Variants in GPC5 observed in about 807,000 individuals in gnomAD.
The protein encoded by GPC5 is glypican-5.
Under a neutral mutation model 53.9 loss-of-function variants are expected in GPC5, and 47 were observed. The ratio of observed to expected loss-of-function variants is 0.87; its 90% CI spans 0.69 to 1.11. The LOEUF (loss-of-function observed/expected upper bound fraction) is 1.11, where lower values mean the gene tolerates loss of function less well. Among genes scored for constraint, GPC5 ranks in the 50% most tolerant of loss-of-function variants. The pLI, the probability that GPC5 is intolerant of heterozygous loss-of-function variation, is 0.00. For synonymous variants in GPC5, 286 were observed against 263.3 expected (o/e 1.09, Z -0.84); for missense variants, 748 against 713.1 (o/e 1.05, Z -0.56).
At chr13:91,508,202 A>G (rs1014819964) in intron 2 of GPC5, among the ~76,000 whole-genome samples, 3 of 152,236 alleles carry the variant, frequency 2.0e-5, no homozygotes, top group African/African-American at 4.8e-5. Context: ...TTAGCTAACA[A>G]CAAAACTTAC....
rs541055207 is a variant in GPC5, at chr13:92,627,146, C to A, written c.1562-239136C>A. Among the ~76,000 whole-genome samples, 7 of 152,256 alleles carry A rather than the reference C, an allele frequency of 4.6e-5. No individual in the cohort carries two copies. In the East Asian group the frequency reaches 1.4e-3, roughly 29 times the overall value. ...GTAAAATTTAGAAACTAAATATTTT[C>A]ATGCCATAGAGCCAAACCTGTAGTC... On this transcript the variant is annotated intron_variant, in intron 7 of 7. Transcript: ENST00000377067.
intron 7 of GPC5, among the ~76,000 whole-genome samples, chr13:92,682,564 T>C (rs1887143458): frequency 6.6e-6 from 1 of 152,172 alleles, no homozygotes; most frequent in South Asian, 2.1e-4. Flanking sequence ...TAAGCACTCA[T>C]CTAGAAGATA....
chr13:92,819,294 C>G (rs763666727), intron 7 of GPC5, among the ~76,000 whole-genome samples: 7 of 150,394 alleles, frequency 4.7e-5, no homozygotes, highest in African/African-American at 7.5e-5. Flanking sequence ...ACTTATATTA[C>G]TTTCATACAA....
At chr13:91,612,412 G>A (rs1019196154) in intron 2 of GPC5, among the ~76,000 whole-genome samples, 1 of 152,162 alleles carries the variant, frequency 6.6e-6, no homozygotes, top group Non-Finnish European at 1.5e-5. Context: ...TTTTCCATCA[G>A]TTAAGCCTCT....
intron 7 of GPC5, among the ~76,000 whole-genome samples, chr13:92,757,931 T>C (rs1158810168): frequency 6.6e-6 from 1 of 151,474 alleles, no homozygotes; most frequent in East Asian, 1.9e-4. Context: ...TGGCGATTCC[T>C]CAGGGATCTA....
intron 5 of GPC5, among the ~76,000 whole-genome samples, chr13:91,832,300 CTTTTT>C (rs55698516): frequency 3.3e-5 from 4 of 122,978 alleles, no homozygotes; most frequent in Non-Finnish European, 3.4e-5. Flanking sequence ...GCTTTTTTCT[CTTTTT>C]TTTTTTTTTT....
intron 7 of GPC5, among the ~76,000 whole-genome samples, chr13:92,573,615 G>A (rs1883101980): frequency 6.6e-6 from 1 of 151,980 alleles, no homozygotes; most frequent in African/African-American, 2.4e-5. Context: ...TCGGTAGAGG[G>A]CGATATAGTG....
At chr13:91,456,750 C>T (rs1222462388) in intron 2 of GPC5, among the ~76,000 whole-genome samples, 1 of 151,366 alleles carries the variant, frequency 6.6e-6, no homozygotes, top group African/African-American at 2.4e-5. Context: ...ATAAAACTTG[C>T]ATGCTGTAAA....
At chr13:91,694,531 A>G (rs948578293) in intron 3 of GPC5, among the ~76,000 whole-genome samples, 1 of 152,210 alleles carries the variant, frequency 6.6e-6, no homozygotes, top group Admixed American at 6.5e-5. Flanking sequence ...TTAAAACACA[A>G]TCATCAAATC....
chr13:91,892,460 C>T (rs998696991), intron 5 of GPC5, among the ~76,000 whole-genome samples: 3 of 151,426 alleles, frequency 2.0e-5, no homozygotes, highest in Admixed American at 1.3e-4. Flanking sequence ...CACTTTTATG[C>T]TTTTCTTACA....
At chr13:92,420,149 T>C (rs1244253896) in intron 7 of GPC5, among the ~76,000 whole-genome samples, 5 of 152,180 alleles carry the variant, frequency 3.3e-5, no homozygotes, top group South Asian at 4.1e-4. Context: ...TTTCTAGATA[T>C]ATATGGTATA....
In GPC5 at chr13:92,082,181, G is replaced by A. The variant is rs150223870; in HGVS notation, c.1402-62649G>A. On this transcript the variant is annotated intron_variant, in intron 6 of 7. Coordinates refer to ENST00000377067, the MANE Select transcript of GPC5 (RefSeq NM_004466.6). ...AGTACTGAATTATGATATAAGTGCC[G>A]TTGCTGAGACATTATATATATATGG... Among the ~76,000 whole-genome samples the A allele has an allele frequency of 4.3e-4, 64 of 150,016 alleles. No homozygotes were observed. The East Asian group carries it at 0.01, about 24-fold the overall frequency.
intron 7 of GPC5, among the ~76,000 whole-genome samples, chr13:92,196,557 C>T (rs1422468359): frequency 6.6e-6 from 1 of 152,114 alleles, no homozygotes; most frequent in African/African-American, 2.4e-5. Flanking sequence ...ATCTAACTGG[C>T]CCCACTAAAA....
At chr13:91,626,571 G>A (rs915607438) in intron 2 of GPC5, among the ~76,000 whole-genome samples, 3 of 152,086 alleles carry the variant, frequency 2.0e-5, no homozygotes, top group Non-Finnish European at 4.4e-5. Context: ...GCCCTGTCCA[G>A]TTGCTCTGGC....
At chr13:92,727,548 A>G (rs1888680614) in intron 7 of GPC5, among the ~76,000 whole-genome samples, 1 of 151,358 alleles carries the variant, frequency 6.6e-6, no homozygotes, top group African/African-American at 2.4e-5. Flanking sequence ...TATGCCTCAC[A>G]AGCTCGATAA....
chr13:92,123,038 G>A (rs2041664069), intron 6 of GPC5, among the ~76,000 whole-genome samples: 4 of 152,022 alleles, frequency 2.6e-5, no homozygotes. Context: ...ATAGATGTGA[G>A]GGCAAAATGC....
chr13:92,540,977 T>A (rs527651808), intron 7 of GPC5, among the ~76,000 whole-genome samples: 5 of 151,800 alleles, frequency 3.3e-5, no homozygotes, highest in Non-Finnish European at 5.9e-5. Context: ...GAGAATTACA[T>A]AAACACTCAT....
chr13:92,521,879 C>G (rs1038889434), intron 7 of GPC5, among the ~76,000 whole-genome samples: 1 of 152,136 alleles, frequency 6.6e-6, no homozygotes, highest in Non-Finnish European at 1.5e-5. Flanking sequence ...ATCTACCCAC[C>G]TGACAAAGGG....
intron 7 of GPC5, among the ~76,000 whole-genome samples, chr13:92,630,399 A>T (rs943473933): frequency 1.3e-5 from 2 of 152,174 alleles, no homozygotes; most frequent in East Asian, 3.8e-4. Flanking sequence ...AATGCAAACT[A>T]TTCTTATTAG....
Sources: gnomAD v4.1 joint callset for allele counts (sites outside exome capture counted in the v4.1 genomes callset) on GRCh38, gnomAD v4.1.1 for gene constraint, MANE v1.5 for transcripts, NCBI Gene and HGNC (gene_info 2026-07-23, HGNC 2026-07-21) for gene names.